The following CHRM3 variants were observed in gnomAD, a reference collection of about 807,000 sequenced individuals.
CHRM3 encodes the protein cholinergic receptor muscarinic 3, also known as muscarinic acetylcholine receptor M3.
In CHRM3, 11 loss-of-function variants were observed where a neutral mutation model predicts 41.8. The observed-to-expected ratio is 0.26, with a 90% CI of 0.17 to 0.44. The LOEUF (loss-of-function observed/expected upper bound fraction) is 0.44. Among genes scored for constraint, CHRM3 ranks in the 20% least tolerant of loss-of-function variants. The pLI, the probability that CHRM3 is intolerant of heterozygous loss-of-function variation, is 1.00. For synonymous variants in CHRM3, 297 were observed against 301.4 expected (o/e 0.99, Z 0.15); for missense variants, 571 against 745.4 (o/e 0.77, Z 2.72).
chr1:239,823,306 A>G (rs1672197650), intron 5 of CHRM3, among the ~76,000 whole-genome samples: 1 of 152,184 alleles, frequency 6.6e-6, no homozygotes, highest in African/African-American at 2.4e-5. Context: ...CAATAGCCTC[A>G]TAGAATCATA....
At position 239,908,687 on chromosome 1, in the gene CHRM3, G is replaced by A. The variant is rs1007638498; in HGVS notation, c.1236G>A (p.Lys412=). The change falls in exon 7 of 7, where the codon AAG becomes AAA. Residue 412 remains lysine (K), a synonymous_variant. Transcript: ENST00000676153. This position sits in a 1 kb window ranked among gnomAD's most constrained non-coding sequence, Gnocchi z 7.2. ...AAGCCGACAAGCTGCAGGCCCAGAAGAGCGTGGACGATGGAGGCAGTTTTC... is the reference window on the plus strand; with the variant it reads ...AAGCCGACAAGCTGCAGGCCCAGAAAAGCGTGGACGATGGAGGCAGTTTTC... ...ERKADKLQAQ[K]SVDDGGSFPK... is the part of the protein sequence containing the mutation. 6.2e-7 allele frequency: 1 copy of A among 1,613,002 alleles called. No individual in the cohort carries two copies. Among genetic ancestry groups the A allele is most frequent in the East Asian group, 2.2e-5 (1 of 44,804 alleles).
intron 3 of CHRM3, chr1:239,606,095 GT>G (rs1666211597): frequency 1.3e-5 from 2 of 152,130 alleles, no homozygotes; most frequent in African/African-American, 2.4e-5. Context: ...CTGTTTGTTC[GT>G]TAAGCCAGAT....
Position 239,907,425 on chromosome 1 carries a change from TC to T in CHRM3, c.-19-3del. 6.3e-7 allele frequency: 1 copy of T among 1,582,062 alleles called. No individual in the cohort carries two copies. Among genetic ancestry groups the T allele is most frequent in the Non-Finnish European group, 8.6e-7 (1 of 1,161,680 alleles). ...TTTCTAACTCTGTCTCTTCTCTCTT[TC>T]CCCCAGACTATGTCAGAGAGTCACA... On this transcript the variant is annotated splice_polypyrimidine_tract_variant and splice_region_variant and intron_variant, in intron 6 of 6. Transcript: ENST00000676153. The surrounding 1 kb of genome is among the most constrained non-coding windows in gnomAD (Gnocchi z 5.4).
rs533358727 is a variant in CHRM3, at chr1:239,871,158, T to C, written c.-19-36275T>C. 5.3e-5 allele frequency among the ~76,000 whole-genome samples: 8 copies of C among 152,306 alleles called. No individual in the cohort carries two copies. The South Asian group carries it at 8.3e-4, about 16-fold the overall frequency. ...GAATGTATTTAAATATATAATGTTA[T>C]CTAGAAAGAGGATTTCTTAGGTTGC... On this transcript the variant is annotated intron_variant, in intron 6 of 6. Transcript: ENST00000676153.
At chr1:239,644,436 C>T (rs1267162004) in intron 4 of CHRM3, among the ~76,000 whole-genome samples, 1 of 150,224 alleles carries the variant, frequency 6.7e-6, no homozygotes, top group Admixed American at 6.6e-5. Flanking sequence ...CAAACAACTT[C>T]TCCCCACGTC....
chr1:239,755,166 C>A (rs1455374464), intron 5 of CHRM3, among the ~76,000 whole-genome samples: 2 of 152,074 alleles, frequency 1.3e-5, no homozygotes, highest in Non-Finnish European at 2.9e-5. Flanking sequence ...TTAAAGATTC[C>A]AGAGGACTCC....
chr1:239,862,623 T>C (rs1480527065), intron 6 of CHRM3, among the ~76,000 whole-genome samples: 1 of 152,212 alleles, frequency 6.6e-6, no homozygotes, highest in African/African-American at 2.4e-5. Flanking sequence ...ATGTACTGTT[T>C]TGATAGTTAT....
intron 6 of CHRM3, among the ~76,000 whole-genome samples, chr1:239,835,191 C>A (rs1260640593): frequency 6.6e-6 from 1 of 152,232 alleles, no homozygotes; most frequent in Non-Finnish European, 1.5e-5. Context: ...GGAGGTCTCG[C>A]TGGCCAACAG....
intron 3 of CHRM3, among the ~76,000 whole-genome samples, chr1:239,623,581 C>T (rs1668680841): frequency 1.1e-5 from 1 of 90,412 alleles, no homozygotes. Context: ...ATGTGCCATG[C>T]TGGTGCGCTG....
intron 1 of CHRM3, among the ~76,000 whole-genome samples, chr1:239,431,174 C>A (rs1662805742): frequency 6.6e-6 from 1 of 152,088 alleles, no homozygotes; most frequent in African/African-American, 2.4e-5. Flanking sequence ...TTATGCCAGT[C>A]AAATGCTCGT....
chr1:239,872,557 A>C (rs1676684736), intron 6 of CHRM3, among the ~76,000 whole-genome samples: 1 of 152,194 alleles, frequency 6.6e-6, no homozygotes, highest in South Asian at 2.1e-4. Flanking sequence ...ACATCTGAGA[A>C]ATGACAGGAT....
In CHRM3 at chr1:239,662,999, C is replaced by T. The variant is rs192257075; in HGVS notation, c.-249-15187C>T. Reference sequence around the variant, plus strand: ...TCTTCCTTCCTTCCTTGTCCTTCTCCTTCTTCTTTCTCTTCCTCTTCTTCT... The same window carrying T: ...TCTTCCTTCCTTCCTTGTCCTTCTCTTTCTTCTTTCTCTTCCTCTTCTTCT... On this transcript the variant is annotated intron_variant, in intron 4 of 6. Transcript: ENST00000676153. Among the ~76,000 whole-genome samples, 278 of 149,960 alleles carry T rather than the reference C, an allele frequency of 1.9e-3. 1 individual carries two copies. The highest frequency in any genetic ancestry group is 6.4e-3 in the African/African-American group (261 of 40,668).
intron 6 of CHRM3, among the ~76,000 whole-genome samples, chr1:239,866,541 AGCC>A (rs1225658257): frequency 1.3e-5 from 2 of 152,224 alleles, no homozygotes; most frequent in Non-Finnish European, 2.9e-5. Context: ...CTAGGATTGT[AGCC>A]ATGGAAATCA....
intron 3 of CHRM3, among the ~76,000 whole-genome samples, chr1:239,618,252 G>C (rs1197193445): frequency 1.4e-5 from 2 of 147,388 alleles, no homozygotes; most frequent in African/African-American, 5.0e-5. Flanking sequence ...TGTGAATAGA[G>C]AGTAGGAGTA....
intron 1 of CHRM3, among the ~76,000 whole-genome samples, chr1:239,424,060 A>G (rs917428985): frequency 1.3e-5 from 2 of 151,476 alleles, no homozygotes; most frequent in African/African-American, 4.9e-5. Flanking sequence ...GTCTCAAAAA[A>G]AAAAAAAAAA....
chr1:239,456,414 T>C lies in CHRM3; in HGVS notation c.-520-36295T>C, dbSNP rs118142588. On this transcript the variant is annotated intron_variant, in intron 1 of 6. Transcript: ENST00000676153. ...CATTGTGTTACAGTTACCTACATTA[T>C]TCAGGGCAGTAACATGCTGTACAGG... Among the ~76,000 whole-genome samples, 12 of 152,330 alleles carry C rather than the reference T, an allele frequency of 7.9e-5. No individual in the cohort carries two copies. The East Asian group carries it at 1.4e-3, about 17-fold the overall frequency.
intron 1 of CHRM3, among the ~76,000 whole-genome samples, chr1:239,445,676 A>G (rs369565754): frequency 4.9e-4 from 74 of 152,352 alleles, no homozygotes; most frequent in African/African-American, 1.7e-3. Flanking sequence ...ACTAATGTTT[A>G]TAAAAGTGGT....
chr1:239,433,824 A>G (rs1426596224), intron 1 of CHRM3, among the ~76,000 whole-genome samples: 1 of 152,122 alleles, frequency 6.6e-6, no homozygotes, highest in African/African-American at 2.4e-5. Context: ...ATTCCATCGT[A>G]TATACATATA....
At chr1:239,714,004 T>C (rs920416803) in intron 5 of CHRM3, among the ~76,000 whole-genome samples, 1 of 152,190 alleles carries the variant, frequency 6.6e-6, no homozygotes, top group African/African-American at 2.4e-5. Flanking sequence ...CATCTGTGTA[T>C]GCCTAACCAG....
Sources: gnomAD v4.1 joint callset for allele counts (sites outside exome capture counted in the v4.1 genomes callset) on GRCh38, gnomAD v4.1.1 for gene constraint, Gnocchi (gnomAD v3.1) non-coding constraint, MANE v1.5 for transcripts, NCBI Gene and HGNC (gene_info 2026-07-23, HGNC 2026-07-21) for gene names.